ANXA3: variants seen among roughly 807,000 people sequenced by gnomAD.
The protein encoded by ANXA3 is 35-alpha calcimedin.
ANXA3 carries 46 observed loss-of-function variants against 48.8 expected under a neutral mutation model. That is an observed-to-expected ratio of 0.94 (90% CI 0.74 to 1.21). ANXA3 has a LOEUF of 1.21. Ranked by LOEUF, ANXA3 falls within the 50% of genes most tolerant of loss-of-function variation. The probability of loss-of-function intolerance (pLI) is 0.00; values close to 1 mark genes in which losing one functional copy is unlikely to be tolerated. For synonymous variants in ANXA3, 128 were observed against 134.7 expected (o/e 0.95, Z 0.35); for missense variants, 383 against 378.6 (o/e 1.01, Z -0.10).
At chr4:78,599,345 G>T (rs1490032192) in intron 10 of ANXA3, among the ~76,000 whole-genome samples, 2 of 152,126 alleles carry the variant, frequency 1.3e-5, no homozygotes, top group Non-Finnish European at 2.9e-5. Flanking sequence ...CTATAGATTT[G>T]CCTACTCTGC....
At chr4:78,551,908 C>G (rs991580532) in intron 1 of ANXA3, 49 bp downstream of exon 1, 2 of 152,362 alleles carry the variant, frequency 1.3e-5, no homozygotes, top group Admixed American at 6.5e-5. Context: ...CCACAGCCGC[C>G]TGCTGACGGG....
chr4:78,580,928 T>G (rs73828036), intron 4 of ANXA3, among the ~76,000 whole-genome samples: 2,954 of 152,320 alleles, frequency 0.019, 96 homozygotes, highest in African/African-American at 0.067. Flanking sequence ...AGGTGAATGA[T>G]CTATTGGCCT....
At position 78,578,275 on chromosome 4, in the gene ANXA3, A is replaced by G. The variant is rs1238573357; in HGVS notation, c.104-752A>G. Among the ~76,000 whole-genome samples the G allele has an allele frequency of 5.1e-5, 6 of 117,922 alleles. No individual in the cohort carries two copies. The East Asian group carries it at 1.9e-3, about 38-fold the overall frequency. 77.4% of individuals were successfully genotyped at this position (117,922 alleles called of 152,430 possible). ...CAGCCTGGGCAACGAGAGAGAGAGAAAGGGCGAAGGGGAGAGAGAGAGCGA... is the reference window on the plus strand; with the variant it reads ...CAGCCTGGGCAACGAGAGAGAGAGAGAGGGCGAAGGGGAGAGAGAGAGCGA... On this transcript the variant is annotated intron_variant, in intron 3 of 12. Transcript: ENST00000264908.
In ANXA3 at chr4:78,595,898, A is replaced by G; in HGVS notation, c.634+11A>G. 1.3e-6 allele frequency: 2 copies of G among 1,495,276 alleles called. No homozygotes were observed. The highest frequency in any genetic ancestry group is 1.7e-4 in the Middle Eastern group (1 of 5,734). 92.6% of individuals were successfully genotyped at this position (1,495,276 alleles called of 1,614,324 possible). A position where few individuals can be genotyped will look rare whatever the true frequency, so the allele number is the denominator to read the frequency against. ...CTCAATTAAAACTAAGTACAAACTC[A>G]CATTACAATCCTTTGTGTTGTATGT... On this transcript the variant is annotated intron_variant, in intron 9 of 12. Transcript: ENST00000264908.
intron 2 of ANXA3, among the ~76,000 whole-genome samples, chr4:78,564,991 A>ATTTTTTTT (rs55971305): frequency 8.5e-6 from 1 of 118,320 alleles, no homozygotes; most frequent in Non-Finnish European, 1.8e-5. Flanking sequence ...TCTGACTTAG[A>ATTTTTTTT]TTTTTTTTTT....
chr4:78,554,610 G>C (rs1722472107), intron 2 of ANXA3, 122 bp downstream of exon 2: 2 of 794,568 alleles, frequency 2.5e-6, no homozygotes, highest in African/African-American at 1.7e-5. Context: ...AAATTAACAT[G>C]CTAGAAAAGC....
Position 78,582,193 on chromosome 4 carries a change from T to TTC in ANXA3, c.215_216insTC (p.Leu72PhefsTer17). The TTC allele has an allele frequency of 6.2e-7, 1 of 1,612,526 alleles. No individual in the cohort carries two copies. ...TGATTTTAGGAGCTGAAAGATGACT[T>TTC]GAAGGGTGATCTCTCTGGCCACTTT... On this transcript the variant is annotated frameshift_variant, in exon 5 of 13. Transcript: ENST00000264908. LOFTEE classifies it high-confidence loss of function.
chr4:78,595,036 C>T (rs1723387172), intron 7 of ANXA3, among the ~76,000 whole-genome samples: 1 of 152,168 alleles, frequency 6.6e-6, no homozygotes, highest in Non-Finnish European at 1.5e-5. Flanking sequence ...ATTCAGGAGG[C>T]TGAAGCGGGA....
chr4:78,581,250 G>A (rs1236971815), intron 4 of ANXA3, among the ~76,000 whole-genome samples: 1 of 152,146 alleles, frequency 6.6e-6, no homozygotes, highest in Non-Finnish European at 1.5e-5. Context: ...CTATTTCAGA[G>A]CTGAAAATAA....
At chr4:78,552,580 TA>T (rs35918068) in intron 1 of ANXA3, among the ~76,000 whole-genome samples, 42,453 of 151,942 alleles carry the variant, frequency 0.28, 6,443 homozygotes, top group Non-Finnish European at 0.34. Context: ...GATGACCATA[TA>T]TAGGAAAGTA....
At chr4:78,590,679 A>G (rs1025345026) in intron 6 of ANXA3, among the ~76,000 whole-genome samples, 1 of 152,134 alleles carries the variant, frequency 6.6e-6, no homozygotes, top group Admixed American at 6.5e-5. Context: ...ACTAAAATAT[A>G]TGAACACACA....
At chr4:78,605,344 C>T (rs1411045824) in intron 12 of ANXA3, among the ~76,000 whole-genome samples, 1 of 152,146 alleles carries the variant, frequency 6.6e-6, no homozygotes, top group Non-Finnish European at 1.5e-5. Context: ...TTGTAATATA[C>T]ATTTTTCTTA....
Position 78,561,592 on chromosome 4 carries a change from G to A in ANXA3, c.15+7104G>A, listed in dbSNP as rs550824570. Reference sequence around the variant, plus strand: ...TCTTTGCTATGCAAATTTAAAACGTGTGAGGAGAAAGCTGTGTTCATGCAT... The same window carrying A: ...TCTTTGCTATGCAAATTTAAAACGTATGAGGAGAAAGCTGTGTTCATGCAT... On this transcript the variant is annotated intron_variant, in intron 2 of 12. Transcript: ENST00000264908. Among the ~76,000 whole-genome samples the A allele has an allele frequency of 7.9e-5, 12 of 152,158 alleles. No homozygotes were observed. The South Asian group carries it at 1.5e-3, about 18-fold the overall frequency.
At chr4:78,574,697 GTGCATTAATTTTAAC>G (rs1340764307) in intron 3 of ANXA3, among the ~76,000 whole-genome samples, 1 of 152,170 alleles carries the variant, frequency 6.6e-6, no homozygotes, top group East Asian at 1.9e-4. Flanking sequence ...GTGAGCTCTA[GTGCATTAATTTTAAC>G]TGCATGGTAG....
At chr4:78,608,864 A>G (rs767005729) in intron 12 of ANXA3, among the ~76,000 whole-genome samples, 1 of 152,134 alleles carries the variant, frequency 6.6e-6, no homozygotes, top group Non-Finnish European at 1.5e-5. Context: ...GTGTAAATAT[A>G]CTTTGAGTTA....
intron 12 of ANXA3, among the ~76,000 whole-genome samples, chr4:78,606,879 C>T (rs1035550035): frequency 9.9e-5 from 15 of 152,224 alleles, no homozygotes; most frequent in South Asian, 2.1e-4. Context: ...GCACAAATTG[C>T]ATCAACTGCT....
At chr4:78,588,790 C>G (rs1456225940) in intron 6 of ANXA3, among the ~76,000 whole-genome samples, 1 of 152,178 alleles carries the variant, frequency 6.6e-6, no homozygotes, top group Non-Finnish European at 1.5e-5. Context: ...CCTTCCAGTC[C>G]CCTCTACTCC....
chr4:78,552,649 T>TGCATAGCCC (rs1722423226), intron 1 of ANXA3, among the ~76,000 whole-genome samples: 1 of 152,200 alleles, frequency 6.6e-6, no homozygotes, highest in African/African-American at 2.4e-5. Context: ...GATACGAAAT[T>TGCATAGCCC]GCATAGCCCA....
chr4:78,607,453 A>T (rs1026039709), intron 12 of ANXA3, among the ~76,000 whole-genome samples: 5 of 151,822 alleles, frequency 3.3e-5, no homozygotes, highest in Non-Finnish European at 7.3e-5. Flanking sequence ...TGGGAAGGAG[A>T]AGGCAAGGAA....
Sources: gnomAD v4.1 joint callset for allele counts (sites outside exome capture counted in the v4.1 genomes callset) on GRCh38, gnomAD v4.1.1 for gene constraint, MANE v1.5 for transcripts, NCBI Gene and HGNC (gene_info 2026-07-23, HGNC 2026-07-21) for gene names.